CDH4: variants seen among roughly 807,000 people sequenced by gnomAD.
The protein encoded by CDH4 is cadherin 4.
A neutral mutation model predicts 86.0 loss-of-function variants in CDH4; 33 were observed. The observed-to-expected ratio is 0.38, with a 90% CI of 0.29 to 0.51. The LOEUF is 0.51. Among genes scored for constraint, CDH4 ranks in the 20% least tolerant of loss-of-function variants. CDH4 has a pLI of 0.86. For synonymous variants in CDH4, 555 were observed against 549.4 expected (o/e 1.01, Z -0.14); for missense variants, 1,114 against 1,307.4 (o/e 0.85, Z 2.28).
At chr20:61,825,759 C>CT (rs1399290627) in intron 4 of CDH4, among the ~76,000 whole-genome samples, 2 of 152,232 alleles carry the variant, frequency 1.3e-5, no homozygotes, top group Admixed American at 6.5e-5. Context: ...CAGCTGCCTA[C>CT]TTGATTCTCA....
chr20:61,466,248 GT>G (rs1212822804), intron 2 of CDH4, among the ~76,000 whole-genome samples: 1 of 152,194 alleles, frequency 6.6e-6, no homozygotes, highest in African/African-American at 2.4e-5. Context: ...TGATTCAAAT[GT>G]TTTTTAAGCT....
chr20:61,869,588 G>T (rs1217805297), intron 6 of CDH4, among the ~76,000 whole-genome samples: 1 of 152,202 alleles, frequency 6.6e-6, no homozygotes, highest in Admixed American at 6.5e-5. Flanking sequence ...GGGTCCCAAA[G>T]GTCTGTTTCC....
At chr20:61,536,668 C>T (rs1176183000) in intron 2 of CDH4, among the ~76,000 whole-genome samples, 1 of 152,230 alleles carries the variant, frequency 6.6e-6, no homozygotes, top group African/African-American at 2.4e-5. Context: ...CTGACCGCAG[C>T]ATTATTTTAT....
chr20:61,536,475 G>A (rs2085997997), intron 2 of CDH4, among the ~76,000 whole-genome samples: 1 of 151,668 alleles, frequency 6.6e-6, no homozygotes, highest in African/African-American at 2.4e-5. Flanking sequence ...GGGGCAGGGA[G>A]GGAGGGGGAG....
chr20:61,524,941 C>G lies in CDH4; in HGVS notation c.170-218622C>G, dbSNP rs1478970948. On this transcript the variant is annotated intron_variant, in intron 2 of 15. Transcript: ENST00000614565. ...AGTGACCACTCCTCACCCTGTCCAC[C>G]TCCAACATCTTTCATTTAAAAAAAC... Among the ~76,000 whole-genome samples the G allele has an allele frequency of 2.6e-5, 4 of 152,192 alleles. No individual in the cohort carries two copies. The East Asian group carries it at 7.7e-4, about 29-fold the overall frequency.
At chr20:61,261,333 A>G (rs6101284) in intron 2 of CDH4, among the ~76,000 whole-genome samples, 17,399 of 152,282 alleles carry the variant, frequency 0.11, 1,087 homozygotes, top group African/African-American at 0.15. Context: ...CACCAGCTAC[A>G]GAAATGAGGA....
intron 4 of CDH4, among the ~76,000 whole-genome samples, chr20:61,806,389 G>A (rs1409303901): frequency 1.3e-5 from 2 of 152,194 alleles, no homozygotes; most frequent in African/African-American, 2.4e-5. Context: ...AGGAACACAC[G>A]GGGAGGACCG....
chr20:61,718,885 A>G, intron 2 of CDH4: 1 of 470,942 alleles, frequency 2.1e-6, no homozygotes, highest in Non-Finnish European at 4.4e-6. Flanking sequence ...TGGGGATGGA[A>G]CTCTCTGTCT....
At chr20:61,560,004 CA>C (rs1190152666) in intron 2 of CDH4, among the ~76,000 whole-genome samples, 2 of 152,198 alleles carry the variant, frequency 1.3e-5, no homozygotes, top group Non-Finnish European at 2.9e-5. Context: ...CATCGACATC[CA>C]ACTTATTCTG....
At chr20:61,933,469 T>TGACCA (rs1466614049) in intron 14 of CDH4, among the ~76,000 whole-genome samples, 6 of 152,186 alleles carry the variant, frequency 3.9e-5, no homozygotes, top group Non-Finnish European at 8.8e-5. Flanking sequence ...GGCTGTCGAC[T>TGACCA]GACCAGGGGC....
In CDH4 at chr20:61,807,243, T is replaced by C. The variant is rs569012518; in HGVS notation, c.576+34061T>C. ...CTGCCCTGGGGAAGGAAGTCAGTGA[T>C]GTTGTAGAGACTGGGTGTTGTCCAG... On this transcript the variant is annotated intron_variant, in intron 4 of 15. Transcript: ENST00000614565. This position sits in a 1 kb window ranked among gnomAD's most constrained non-coding sequence, Gnocchi z 4.5. Among the ~76,000 whole-genome samples, 31 of 152,130 alleles carry C rather than the reference T, an allele frequency of 2.0e-4. No individual in the cohort carries two copies. In the South Asian group the frequency reaches 3.1e-3, roughly 15 times the overall value.
intron 9 of CDH4, among the ~76,000 whole-genome samples, chr20:61,922,969 A>C (rs7270510): frequency 0.058 from 8,760 of 152,220 alleles, 805 homozygotes; most frequent in African/African-American, 0.19. Context: ...ATGTACAAAG[A>C]CGCTATTTCC....
chr20:61,720,521 G>A (rs1159755973), intron 2 of CDH4, among the ~76,000 whole-genome samples: 1 of 146,128 alleles, frequency 6.8e-6, no homozygotes, highest in Non-Finnish European at 1.5e-5. Flanking sequence ...GAGGGGTACA[G>A]AGTGGAGGGG....
chr20:61,365,557 T>C (rs2084807247), intron 2 of CDH4, among the ~76,000 whole-genome samples: 1 of 152,014 alleles, frequency 6.6e-6, no homozygotes, highest in South Asian at 2.1e-4. Context: ...GGTGTGGAGC[T>C]GACTCCTGAG....
At chr20:61,291,648 C>G (rs982673070) in intron 2 of CDH4, among the ~76,000 whole-genome samples, 1 of 151,254 alleles carries the variant, frequency 6.6e-6, no homozygotes, top group African/African-American at 2.4e-5. Context: ...GCCAAACATG[C>G]GGGCACCCGC....
At chr20:61,701,355 CCATAACAAGCGA>C (rs1221411040) in intron 2 of CDH4, among the ~76,000 whole-genome samples, 8 of 152,190 alleles carry the variant, frequency 5.3e-5, no homozygotes, top group Non-Finnish European at 1.2e-4. Flanking sequence ...AGAATTGAAC[CCATAACAAGCGA>C]GTGAATGGAT....
At chr20:61,782,182 G>A (rs891922257) in intron 4 of CDH4, among the ~76,000 whole-genome samples, 1 of 152,148 alleles carries the variant, frequency 6.6e-6, no homozygotes, top group African/African-American at 2.4e-5. Context: ...GGTGGCACAT[G>A]CCTATAATCC....
At chr20:61,326,329 T>A (rs912904548) in intron 2 of CDH4, among the ~76,000 whole-genome samples, 3 of 152,174 alleles carry the variant, frequency 2.0e-5, no homozygotes, top group African/African-American at 7.2e-5. Flanking sequence ...GATTAAAAAA[T>A]AAGCATAAGA....
chr20:61,852,562 C>A (rs1478835927), intron 5 of CDH4, among the ~76,000 whole-genome samples, 192 bp from the exon 6 acceptor site: 1 of 152,160 alleles, frequency 6.6e-6, no homozygotes, highest in Non-Finnish European at 1.5e-5. Flanking sequence ...TCTGCACTCT[C>A]CTGACCCCCG....
Sources: allele counts gnomAD v4.1 joint callset (sites outside exome capture counted in the v4.1 genomes callset), GRCh38; gene constraint gnomAD v4.1.1; non-coding constraint Gnocchi (gnomAD v3.1); transcripts MANE v1.5; gene names NCBI Gene and HGNC (gene_info 2026-07-23, HGNC 2026-07-21).